Variants in ASIC4 observed in about 807,000 individuals in gnomAD.
ASIC4 encodes the protein acid sensing ion channel subunit family member 4.
Under a neutral mutation model 53.4 loss-of-function variants are expected in ASIC4, and 28 were observed. The ratio of observed to expected loss-of-function variants is 0.52; its 90% CI spans 0.39 to 0.72. The LOEUF is 0.72. ASIC4 is among the 30% of genes least tolerant of loss of function. ASIC4 has a pLI of 0.00. For synonymous variants in ASIC4, 289 were observed against 301.4 expected (o/e 0.96, Z 0.43); for missense variants, 649 against 729.7 (o/e 0.89, Z 1.27).
At chr2:219,531,299 G>A (rs1044478783) in intron 1 of ASIC4, among the ~76,000 whole-genome samples, 12 of 152,114 alleles carry the variant, frequency 7.9e-5, no homozygotes, top group Admixed American at 6.5e-4. Flanking sequence ...CTGGAAGGTT[G>A]AGGCTGCTGT....
Position 219,537,128 on chromosome 2 carries a change from G to T in ASIC4, c.1292G>T (p.Arg431Leu), listed in dbSNP as rs776434719. 2 of 1,614,146 alleles carry T rather than the reference G, an allele frequency of 1.2e-6. No homozygotes were observed. Among genetic ancestry groups the T allele is most frequent in the Admixed American group, 3.3e-5 (2 of 60,020 alleles). ...EALTSEAMEQ[R>L]AAYGLSALLG... ...CTGACCTCTGAAGCCATGGAGCAGC[G>T]AGCAGCCTATGGCCTGTCAGCCCTG... Residue 431 changes from arginine to leucine, a missense_variant, in exon 7 of 10, where the codon CGA becomes CTA. Arg to Leu is a moderately radical substitution (Grantham distance 102, BLOSUM62 -2). Coordinates refer to ENST00000358078, the MANE Select transcript of ASIC4 (RefSeq NM_018674.6). The surrounding 1 kb of genome is among the most constrained non-coding windows in gnomAD (Gnocchi z 4.9).
chr2:219,528,348 T>C (rs1694990438), intron 1 of ASIC4, among the ~76,000 whole-genome samples: 1 of 151,724 alleles, frequency 6.6e-6, no homozygotes, highest in South Asian at 2.1e-4. Flanking sequence ...CTCAGCCCCC[T>C]GAGTAGCTGG....
intron 5 of ASIC4, 67 bp downstream of exon 5, chr2:219,533,006 C>T: frequency 6.6e-7 from 1 of 1,505,888 alleles, no homozygotes; most frequent in Non-Finnish European, 9.2e-7. Context: ...CTCTTCTCCT[C>T]ACTGTCTTGG....
At chr2:219,530,246 G>A (rs777755457) in intron 1 of ASIC4, among the ~76,000 whole-genome samples, 12 of 152,240 alleles carry the variant, frequency 7.9e-5, no homozygotes, top group Non-Finnish European at 4.4e-5. Context: ...ACTAGAACCC[G>A]CCTCTCCCTC....
chr2:219,509,664 G>T (rs546436229), upstream of ASIC4, among the ~76,000 whole-genome samples: 5 of 152,202 alleles, frequency 3.3e-5, no homozygotes, highest in African/African-American at 9.6e-5. The surrounding 1 kb of genome is among the most constrained non-coding windows in gnomAD (Gnocchi z 5.2). Context: ...GAGAGCAGGA[G>T]GGCAGGGGGT....
intron 1 of ASIC4, among the ~76,000 whole-genome samples, chr2:219,522,848 G>A (rs1400251820): frequency 6.6e-6 from 1 of 152,156 alleles, no homozygotes; most frequent in African/African-American, 2.4e-5. Flanking sequence ...GAATGCAAAT[G>A]AGGCAGACCC....
At chr2:219,507,369 G>A in the ASIC4 span, among the ~76,000 whole-genome samples, 22,902 of 152,300 alleles carry the variant, frequency 0.15, 2,264 homozygotes, top group South Asian at 0.36. Context: ...CGCTCTGCTC[G>A]GTTCCCGCTG....
In ASIC4 at chr2:219,518,046, C is replaced by T. The variant is rs2125656229; in HGVS notation, c.582+2740C>T. On this transcript the variant is annotated intron_variant, in intron 1 of 9. Coordinates refer to ENST00000358078, the MANE Select transcript of ASIC4 (RefSeq NM_018674.6). This position sits in a 1 kb window ranked among gnomAD's most constrained non-coding sequence, Gnocchi z 4.8. ...CTTCTGTTACCACTGCAATCGCTCT[C>T]CCCCCACGCTCCCTAATATCCCTTC... 6.6e-6 allele frequency among the ~76,000 whole-genome samples: 1 copy of T among 152,222 alleles called. No individual in the cohort carries two copies. Among genetic ancestry groups the T allele is most frequent in the East Asian group, 1.9e-4 (1 of 5,172 alleles).
At chr2:219,525,087 G>T (rs191234905) in intron 1 of ASIC4, among the ~76,000 whole-genome samples, 1 of 152,296 alleles carries the variant, frequency 6.6e-6, no homozygotes, top group African/African-American at 2.4e-5. Flanking sequence ...GGTGGGAGAG[G>T]CTGGATTTGA....
chr2:219,513,724 T>G (rs569887728), upstream of ASIC4, among the ~76,000 whole-genome samples: 11 of 152,286 alleles, frequency 7.2e-5, no homozygotes, highest in South Asian at 1.5e-3. Flanking sequence ...GCCACAGATA[T>G]GCAAGCTGGC....
At position 219,532,490 on chromosome 2, in the gene ASIC4, C is replaced by G. The variant is rs1236231776; in HGVS notation, c.1018+13C>G. The G allele has an allele frequency of 1.9e-6, 3 of 1,601,878 alleles. No individual in the cohort carries two copies. The highest frequency in any genetic ancestry group is 3.3e-5 in the Admixed American group (2 of 59,802). On this transcript the variant is annotated intron_variant, in intron 4 of 9. Coordinates refer to ENST00000358078, the MANE Select transcript of ASIC4 (RefSeq NM_018674.6). Reference sequence around the variant, plus strand: ...GTGCACATGCCAGGTGGGCACCCCACCCCCAGCCAGCCCTCCATGCCACCC... The same window carrying G: ...GTGCACATGCCAGGTGGGCACCCCAGCCCCAGCCAGCCCTCCATGCCACCC...
At chr2:219,515,894 C>T (rs561322994) in intron 1 of ASIC4, among the ~76,000 whole-genome samples, 2 of 152,122 alleles carry the variant, frequency 1.3e-5, no homozygotes, top group Admixed American at 1.3e-4. Flanking sequence ...CTCACAGACT[C>T]CCTCACACAT....
At position 219,514,828 on chromosome 2, in the gene ASIC4, C is replaced by A. The variant is rs146796630; in HGVS notation, c.104C>A (p.Pro35His). The change falls in exon 1 of 10, where the codon CCT becomes CAT. Residue 35 changes from proline to histidine, a missense_variant. Transcript: ENST00000358078. Reference sequence around the variant, plus strand: ...CAGAGCCTCCTCGGGGCTGTTGCCCCTGGAGCAGCCCCCCGAGACCTGGCC... The same window carrying A: ...CAGAGCCTCCTCGGGGCTGTTGCCCATGGAGCAGCCCCCCGAGACCTGGCC... The part of the protein sequence containing the change: ...DEQSLLGAVA[P>H]GAAPRDLATF... The A allele has an allele frequency of 2.1e-4, 346 of 1,613,156 alleles. No individual in the cohort carries two copies. The highest frequency in any genetic ancestry group is 2.7e-4 in the Non-Finnish European group (316 of 1,179,942).
chr2:219,518,381 G>A lies in ASIC4; in HGVS notation c.582+3075G>A, dbSNP rs1448852032. On this transcript the variant is annotated intron_variant, in intron 1 of 9. Coordinates refer to ENST00000358078, the MANE Select transcript of ASIC4 (RefSeq NM_018674.6). This position sits in a 1 kb window ranked among gnomAD's most constrained non-coding sequence, Gnocchi z 4.8. ...GGCCATTCTGGGTGGAGGAGAGCTGGGAGGGCCTAGGGGATGAGGCAGGCT... is the reference window on the plus strand; with the variant it reads ...GGCCATTCTGGGTGGAGGAGAGCTGAGAGGGCCTAGGGGATGAGGCAGGCT... 2.0e-5 allele frequency among the ~76,000 whole-genome samples: 3 copies of A among 152,294 alleles called. No homozygotes were observed. The East Asian group carries it at 5.8e-4, about 29-fold the overall frequency.
At chr2:219,532,822 G>A (rs963555898) in intron 4 of ASIC4, 61 bp from the exon 5 acceptor site, 92 of 1,487,918 alleles carry the variant, frequency 6.2e-5, no homozygotes, top group Non-Finnish European at 7.8e-5. Flanking sequence ...GCTTACATTT[G>A]GGCGTGTGGG....
At position 219,514,753 on chromosome 2, in the gene ASIC4, A is replaced by T; in HGVS notation, c.29A>T (p.Lys10Ile). ...CCGATCGAGATTGTGTGCAAAATCA[A>T]ATTTGCTGAGGAGGATGCGAAACCC... MPIEIVCKI[K>I]FAEEDAKPKE... Residue 10 changes from lysine (K) to isoleucine (I), a missense_variant, in exon 1 of 10, where the codon AAA becomes ATA. Physicochemically the swap from Lys to Ile is moderately radical, Grantham distance 102. Transcript: ENST00000358078. 6.2e-7 allele frequency: 1 copy of T among 1,613,556 alleles called. No individual in the cohort carries two copies. The highest frequency in any genetic ancestry group is 8.5e-7 in the Non-Finnish European group (1 of 1,179,974).
chr2:219,537,551 G>A lies in ASIC4; in HGVS notation c.1402-81G>A, dbSNP rs1450752124. On this transcript the variant is annotated intron_variant, in intron 8 of 9. Coordinates refer to ENST00000358078, the MANE Select transcript of ASIC4 (RefSeq NM_018674.6). This position sits in a 1 kb window ranked among gnomAD's most constrained non-coding sequence, Gnocchi z 4.9. ...TTTGCTGTGGCAGTAAGTCCTGTGG[G>A]CAGCTGGGCATGGTAAGGCTCACGC... 1.6e-6 allele frequency: 2 copies of A among 1,280,522 alleles called. No homozygotes were observed. The highest frequency in any genetic ancestry group is 2.2e-6 in the Non-Finnish European group (2 of 912,912). The allele number at this position is 1,280,522 out of a possible 1,614,324, so 79.3% of individuals were successfully genotyped here.
upstream of ASIC4, chr2:219,514,151 G>A: frequency 1.5e-6 from 1 of 665,486 alleles, no homozygotes; most frequent in Admixed American, 3.3e-5. Context: ...GGGTGGCCAG[G>A]AAGTGGGGAG....
chr2:219,527,679 C>A (rs1309387694), intron 1 of ASIC4, among the ~76,000 whole-genome samples: 1 of 152,226 alleles, frequency 6.6e-6, no homozygotes, highest in Non-Finnish European at 1.5e-5. Context: ...AGTCACTTTC[C>A]TTCTCTGAGC....
Sources: allele counts gnomAD v4.1 joint callset (sites outside exome capture counted in the v4.1 genomes callset), GRCh38; gene constraint gnomAD v4.1.1; non-coding constraint Gnocchi (gnomAD v3.1); transcripts MANE v1.5; gene names NCBI Gene and HGNC (gene_info 2026-07-23, HGNC 2026-07-21).